ADAMTS12: variants seen among roughly 807,000 people sequenced by gnomAD.
ADAMTS12 encodes A disintegrin and metalloproteinase with thrombospondin motifs 12.
Under a neutral mutation model 167.8 loss-of-function variants are expected in ADAMTS12, and 118 were observed. The observed-to-expected ratio is 0.70, with a 90% CI of 0.61 to 0.82. The LOEUF is 0.82. Among genes scored for constraint, ADAMTS12 ranks in the 40% least tolerant of loss-of-function variants. The pLI is 0.00. For missense variants in ADAMTS12, 1,916 were observed against 1,998.8 expected (o/e 0.96, Z 0.79); for synonymous variants, 704 against 716.9 (o/e 0.98, Z 0.29).
At chr5:33,882,668 C>T (rs141483845) in intron 1 of ADAMTS12, among the ~76,000 whole-genome samples, 3,247 of 152,060 alleles carry the variant, frequency 0.021, 111 homozygotes, top group African/African-American at 0.074. Context: ...CTCGACTCAC[C>T]GCAACCTCCG....
In ADAMTS12 at chr5:33,555,080, A is replaced by G. The variant is rs565338153; in HGVS notation, c.4126-5697T>C. 2.0e-5 allele frequency among the ~76,000 whole-genome samples: 3 copies of G among 152,350 alleles called. No homozygotes were observed. The East Asian group carries it at 5.8e-4, about 29-fold the overall frequency. ...ACTGAAGTAATAAAGGGGTTGTCAA[A>G]TCAGCAGTTGCCAAAACTTCAGAAG... On this transcript the variant is annotated intron_variant, in intron 20 of 23. Coordinates refer to ENST00000504830, the MANE Select transcript of ADAMTS12 (RefSeq NM_030955.4).
chr5:33,699,429 T>C (rs1032318559), intron 3 of ADAMTS12, among the ~76,000 whole-genome samples: 3 of 151,870 alleles, frequency 2.0e-5, no homozygotes, highest in Non-Finnish European at 4.4e-5. Flanking sequence ...AAATGGATTA[T>C]GGACTTAACC....
chr5:33,623,075 T>C (rs1739411305), intron 14 of ADAMTS12, among the ~76,000 whole-genome samples: 1 of 152,302 alleles, frequency 6.6e-6, no homozygotes, highest in Non-Finnish European at 1.5e-5. Flanking sequence ...TGTAATTAAC[T>C]GAAGAACATA....
intron 19 of ADAMTS12, among the ~76,000 whole-genome samples, chr5:33,575,401 C>A (rs1000738999): frequency 7.2e-5 from 11 of 152,154 alleles, no homozygotes; most frequent in African/African-American, 2.4e-4. Context: ...TAGAGATAAT[C>A]TACACTTGCC....
chr5:33,717,862 A>T (rs1322884319), intron 3 of ADAMTS12, among the ~76,000 whole-genome samples: 1 of 152,218 alleles, frequency 6.6e-6, no homozygotes, highest in Non-Finnish European at 1.5e-5. Flanking sequence ...AAGAATTTGC[A>T]ATAGTAAGAA....
At chr5:33,802,969 G>A (rs377366945) in intron 2 of ADAMTS12, among the ~76,000 whole-genome samples, 1 of 152,110 alleles carries the variant, frequency 6.6e-6, no homozygotes, top group Non-Finnish European at 1.5e-5. Flanking sequence ...CCAAACACAA[G>A]TGAAAAACAA....
At chr5:33,833,484 C>G (rs1256469325) in intron 2 of ADAMTS12, among the ~76,000 whole-genome samples, 1 of 152,186 alleles carries the variant, frequency 6.6e-6, no homozygotes, top group East Asian at 1.9e-4. Context: ...TTTCACCTTT[C>G]AAGGACCAGT....
At chr5:33,855,851 G>A (rs1284478993) in intron 2 of ADAMTS12, among the ~76,000 whole-genome samples, 1 of 152,020 alleles carries the variant, frequency 6.6e-6, no homozygotes. Flanking sequence ...CTCAACCTCC[G>A]ACGTAGTTGG....
intron 16 of ADAMTS12, among the ~76,000 whole-genome samples, chr5:33,602,911 C>A (rs1359830207): frequency 6.6e-6 from 1 of 152,144 alleles, no homozygotes; most frequent in Non-Finnish European, 1.5e-5. Flanking sequence ...ATGGTCTTTG[C>A]AGTTTTCAAT....
intron 2 of ADAMTS12, among the ~76,000 whole-genome samples, chr5:33,773,149 GA>G (rs1745805734): frequency 6.6e-6 from 1 of 152,144 alleles, no homozygotes; most frequent in African/African-American, 2.4e-5. Context: ...TTTTTTCCAA[GA>G]AGTGCAACTG....
At chr5:33,764,281 T>C (rs1433941079) in intron 2 of ADAMTS12, among the ~76,000 whole-genome samples, 2 of 152,250 alleles carry the variant, frequency 1.3e-5, no homozygotes, top group Non-Finnish European at 2.9e-5. Context: ...ATAATTTCTG[T>C]TCATCATCTT....
intron 3 of ADAMTS12, among the ~76,000 whole-genome samples, chr5:33,728,817 C>T (rs1216197728): frequency 6.6e-6 from 1 of 152,238 alleles, no homozygotes; most frequent in African/African-American, 2.4e-5. Flanking sequence ...TATGGTTGAA[C>T]TCATCATTTC....
At chr5:33,887,531 A>G (rs1750678211) in intron 1 of ADAMTS12, among the ~76,000 whole-genome samples, 1 of 152,186 alleles carries the variant, frequency 6.6e-6, no homozygotes, top group South Asian at 2.1e-4. Flanking sequence ...TAGAAATATT[A>G]TAAGCTCCAA....
chr5:33,541,190 A>G (rs879596976), intron 22 of ADAMTS12, among the ~76,000 whole-genome samples: 1 of 152,250 alleles, frequency 6.6e-6, no homozygotes, highest in Non-Finnish European at 1.5e-5. Context: ...TGACGCATGC[A>G]TAAGCTTCAA....
In ADAMTS12 at chr5:33,683,030, G is replaced by T. The variant is rs201677780; in HGVS notation, c.903C>A (p.Leu301=). The change falls in exon 5 of 24, where the codon CTC becomes CTA. Residue 301 remains leucine, a synonymous_variant. Transcript: ENST00000504830. The stretch of plus-strand genomic sequence containing the variant: ...GAAAAAATGTTACCTCTTCTTCTTC[G>T]AGTAGAATGAGCCGAACCACAACAA... ...IHIVVVRLIL[L]EEEEQGLKIV... 3 of 1,612,208 alleles carry T rather than the reference G, an allele frequency of 1.9e-6. No homozygotes were observed. Among genetic ancestry groups the T allele is most frequent in the African/African-American group, 2.7e-5 (2 of 74,810 alleles).
At chr5:33,770,605 G>A (rs1387357599) in intron 2 of ADAMTS12, among the ~76,000 whole-genome samples, 2 of 152,018 alleles carry the variant, frequency 1.3e-5, no homozygotes, top group Admixed American at 6.6e-5. Context: ...TGTTGCTTTA[G>A]GCCCAGGAGA....
At chr5:33,756,210 A>C (rs2112399797) in intron 2 of ADAMTS12, among the ~76,000 whole-genome samples, 1 of 152,330 alleles carries the variant, frequency 6.6e-6, no homozygotes, top group African/African-American at 2.4e-5. Flanking sequence ...CAAGAGGCAA[A>C]CCCATGGCCT....
chr5:33,815,791 T>C (rs1396674699), intron 2 of ADAMTS12, among the ~76,000 whole-genome samples: 1 of 152,104 alleles, frequency 6.6e-6, no homozygotes, highest in East Asian at 1.9e-4. Context: ...CCTAATTCCA[T>C]CTCCTCTAAC....
chr5:33,865,184 T>G (rs1010961500), intron 2 of ADAMTS12, among the ~76,000 whole-genome samples: 1 of 151,784 alleles, frequency 6.6e-6, no homozygotes, highest in Admixed American at 6.6e-5. Context: ...TAAAAAGAAC[T>G]ACAAACCAAT....
Sources: allele counts gnomAD v4.1 joint callset (sites outside exome capture counted in the v4.1 genomes callset), GRCh38; gene constraint gnomAD v4.1.1; transcripts MANE v1.5; gene names NCBI Gene and HGNC (gene_info 2026-07-23, HGNC 2026-07-21).